The following BCKDHB variants were observed in gnomAD, a reference collection of about 807,000 sequenced individuals.
BCKDHB encodes the protein 2-oxoisovalerate dehydrogenase subunit beta, mitochondrial.
A neutral mutation model predicts 48.5 loss-of-function variants in BCKDHB; 41 were observed. That is an observed-to-expected ratio of 0.85 (90% CI 0.66 to 1.10). The LOEUF (loss-of-function observed/expected upper bound fraction) is 1.10. Ranked by LOEUF, BCKDHB falls within the 50% of genes least tolerant of loss-of-function variation. The pLI is 0.00. For synonymous variants in BCKDHB, 201 were observed against 174.8 expected, an observed-to-expected ratio of 1.15 and a Z score of -1.18; for missense variants, 496 against 494.2, an observed-to-expected ratio of 1.00 and a Z score of -0.03.
At chr6:80,118,521 A>G (rs1036550253) in intron 1 of BCKDHB, among the ~76,000 whole-genome samples, 1 of 151,892 alleles carries the variant, frequency 6.6e-6, no homozygotes, top group African/African-American at 2.4e-5. Flanking sequence ...TGGCAACTTC[A>G]TTAAAAAAAA....
At chr6:80,421,252 C>T in the BCKDHB span, among the ~76,000 whole-genome samples, 32 of 152,296 alleles carry the variant, frequency 2.1e-4, no homozygotes, top group Admixed American at 6.5e-4. Context: ...AAGGGGCCTA[C>T]TTCCCCTTTG....
chr6:80,144,664 T>G (rs1045374843), intron 3 of BCKDHB, among the ~76,000 whole-genome samples: 1 of 152,118 alleles, frequency 6.6e-6, no homozygotes, highest in African/African-American at 2.4e-5. Flanking sequence ...CAGATTAACT[T>G]AATTCACGCT....
intron 9 of BCKDHB, among the ~76,000 whole-genome samples, chr6:80,310,086 T>TC (rs1397187017): frequency 2.0e-5 from 3 of 151,860 alleles, no homozygotes; most frequent in African/African-American, 7.3e-5. Flanking sequence ...ACATTTTCTT[T>TC]TTTTTTTTTT....
chr6:80,460,806 C>T, the BCKDHB span, among the ~76,000 whole-genome samples: 1 of 152,214 alleles, frequency 6.6e-6, no homozygotes, highest in East Asian at 1.9e-4. Context: ...CTTTTTAGAC[C>T]TTATCTTTCT....
intron 8 of BCKDHB, among the ~76,000 whole-genome samples, chr6:80,228,360 C>A (rs1775768500): frequency 6.6e-6 from 1 of 152,194 alleles, no homozygotes; most frequent in Non-Finnish European, 1.5e-5. Flanking sequence ...TATTCAAAAA[C>A]ATTTAAGCAG....
At chr6:80,415,679 T>C in the BCKDHB span, among the ~76,000 whole-genome samples, 1 of 152,164 alleles carries the variant, frequency 6.6e-6, no homozygotes, top group Non-Finnish European at 1.5e-5. Flanking sequence ...AGGCCAGTAT[T>C]TGATTGAGGA....
intron 8 of BCKDHB, among the ~76,000 whole-genome samples, chr6:80,264,878 G>A (rs1205516032): frequency 6.6e-6 from 1 of 151,928 alleles, no homozygotes; most frequent in Non-Finnish European, 1.5e-5. Flanking sequence ...CATAAAACAG[G>A]GGGATTAAAA....
the BCKDHB span, among the ~76,000 whole-genome samples, chr6:80,383,832 T>C: frequency 6.3e-3 from 959 of 152,264 alleles, 13 homozygotes; most frequent in African/African-American, 0.021. Context: ...ACAATATGGG[T>C]TTAACATACA....
At chr6:80,271,697 T>C (rs1245889882) in intron 8 of BCKDHB, among the ~76,000 whole-genome samples, 1 of 152,084 alleles carries the variant, frequency 6.6e-6, no homozygotes, top group African/African-American at 2.4e-5. Flanking sequence ...TAGATACTTT[T>C]ATGTTGGCCA....
intron 8 of BCKDHB, among the ~76,000 whole-genome samples, chr6:80,210,356 T>C (rs1189050417): frequency 6.6e-6 from 1 of 152,108 alleles, no homozygotes; most frequent in Non-Finnish European, 1.5e-5. Flanking sequence ...ACTGAATGAT[T>C]TATTTTATAT....
chr6:80,369,403 G>A, the BCKDHB span, among the ~76,000 whole-genome samples: 4 of 151,992 alleles, frequency 2.6e-5, no homozygotes, highest in African/African-American at 9.7e-5. Flanking sequence ...GAGTTTGAAG[G>A]GTATTAAAAA....
intron 8 of BCKDHB, among the ~76,000 whole-genome samples, chr6:80,257,344 C>T (rs544623776): frequency 0.021 from 3,082 of 149,586 alleles, 101 homozygotes; most frequent in African/African-American, 0.07. Context: ...TATCTATACA[C>T]ACACACACAC....
chr6:80,274,533 T>C (rs1469144716), intron 9 of BCKDHB, among the ~76,000 whole-genome samples: 2 of 152,030 alleles, frequency 1.3e-5, no homozygotes, highest in East Asian at 1.9e-4. Flanking sequence ...TTCTGACTTA[T>C]AGTTAATATA....
At chr6:80,446,419 G>A in the BCKDHB span, among the ~76,000 whole-genome samples, 4 of 152,346 alleles carry the variant, frequency 2.6e-5, no homozygotes, top group South Asian at 2.1e-4. Flanking sequence ...ATGGTTTCAC[G>A]TGTTTATAAA....
At chr6:80,125,483 G>C (rs1307057408) in intron 1 of BCKDHB, among the ~76,000 whole-genome samples, 1 of 152,092 alleles carries the variant, frequency 6.6e-6, no homozygotes, top group Non-Finnish European at 1.5e-5. Context: ...AGGCTATTTG[G>C]TGCAAGAAGC....
At chr6:80,183,475 T>C (rs2490247) in intron 6 of BCKDHB, among the ~76,000 whole-genome samples, 5,560 of 152,218 alleles carry the variant, frequency 0.037, 319 homozygotes, top group African/African-American at 0.13. Flanking sequence ...CACAGCAAAA[T>C]TGAGAGATAG....
intron 5 of BCKDHB, among the ~76,000 whole-genome samples, chr6:80,170,689 C>T (rs1017467358): frequency 2.0e-5 from 3 of 152,274 alleles, no homozygotes; most frequent in South Asian, 2.1e-4. Context: ...CCCTCATTCT[C>T]GAGAAGGTCC....
chr6:80,133,459 G>T lies in BCKDHB; in HGVS notation c.343+4230G>T, dbSNP rs149865615. On this transcript the variant is annotated intron_variant, in intron 3 of 9. Transcript: ENST00000320393. ...TGAGTGCTTTGAAAATTAGAAGAAA[G>T]AAAATAGTATGTCCTCATCAACATT... Among the ~76,000 whole-genome samples the T allele has an allele frequency of 1.7e-3, 264 of 152,272 alleles. 1 individual carries two copies. Among genetic ancestry groups the T allele is most frequent in the African/African-American group, 6.0e-3 (250 of 41,566 alleles).
the BCKDHB span, among the ~76,000 whole-genome samples, chr6:80,415,441 T>C: frequency 4.6e-5 from 7 of 152,260 alleles, no homozygotes; most frequent in South Asian, 1.2e-3. Flanking sequence ...TTTTGAGATG[T>C]TTGTTAAATA....
Sources: allele counts gnomAD v4.1 joint callset (sites outside exome capture counted in the v4.1 genomes callset), GRCh38; gene constraint gnomAD v4.1.1; transcripts MANE v1.5; gene names NCBI Gene and HGNC (gene_info 2026-07-23, HGNC 2026-07-21).